The following TKTL1 variants were observed in gnomAD, a reference collection of about 807,000 sequenced individuals.
TKTL1 encodes transketolase-like protein 1.
In TKTL1, 1 loss-of-function variant was observed where a neutral mutation model predicts 39.3. The ratio of observed to expected loss-of-function variants is 0.03; its 90% CI spans 0.01 to 0.12. TKTL1 has a LOEUF of 0.12. Among genes scored for constraint, TKTL1 ranks in the 10% least tolerant of loss-of-function variants. The probability of loss-of-function intolerance (pLI) is 1.00; values close to 1 mark genes in which losing one functional copy is unlikely to be tolerated. For synonymous variants in TKTL1, 262 were observed against 193.8 expected (o/e 1.35, Z -2.92); for missense variants, 575 against 509.6 (o/e 1.13, Z -1.24).
At chrX:154,317,203 CTGA>C in intron 7 of TKTL1, among the ~76,000 whole-genome samples, 1 of 112,334 alleles carries the variant, frequency 8.9e-6, no homozygotes, top group Middle Eastern at 4.6e-3. Flanking sequence ...TCCGTCCCTG[CTGA>C]TATGTTCTCA....
At chrX:154,296,152 C>T (rs781987387) in intron 1 of TKTL1, among the ~76,000 whole-genome samples, 159 bp downstream of exon 1, 1 of 111,274 alleles carries the variant, frequency 9.0e-6, no homozygotes, top group East Asian at 2.8e-4. Context: ...CGGTCGAGCA[C>T]CCTAGATGGC....
At chrX:154,326,098 T>C (rs782303256) in intron 10 of TKTL1, among the ~76,000 whole-genome samples, 6 of 112,397 alleles carry the variant, frequency 5.3e-5, no homozygotes, top group African/African-American at 1.9e-4. Flanking sequence ...TCTGGTATTC[T>C]CACAAAAGCC....
intron 7 of TKTL1, among the ~76,000 whole-genome samples, chrX:154,319,737 T>TAAA (rs59299490): frequency 7.8e-5 from 7 of 89,755 alleles, no homozygotes; most frequent in African/African-American, 2.9e-4. Context: ...AGACCCTGTC[T>TAAA]AAAAAAAAAA....
chrX:154,315,073 T>C, intron 6 of TKTL1, 100 bp from the exon 7 acceptor site: 2 of 923,726 alleles, frequency 2.2e-6, no homozygotes, highest in Non-Finnish European at 3.0e-6. Flanking sequence ...TCAAGATAGA[T>C]GATAATTTGT....
intron 5 of TKTL1, 80 bp from the exon 6 acceptor site, chrX:154,312,500 C>A: frequency 1.0e-6 from 1 of 998,554 alleles, no homozygotes; most frequent in Admixed American, 2.9e-5. Context: ...TCTTTTTCAT[C>A]GGGGTCTGTT....
chrX:154,298,695 A>G (rs1268507328), intron 1 of TKTL1, among the ~76,000 whole-genome samples: 3 of 77,027 alleles, frequency 3.9e-5, no homozygotes, highest in African/African-American at 3.2e-4. Flanking sequence ...CCCTGTCTCA[A>G]AAAGAAAAAA....
At chrX:154,300,203 A>G (rs1004364065) in intron 1 of TKTL1, among the ~76,000 whole-genome samples, 1 of 110,978 alleles carries the variant, frequency 9.0e-6, no homozygotes, top group Non-Finnish European at 1.9e-5. Flanking sequence ...TTTAGTAGAG[A>G]CGGGGTTTCA....
chrX:154,298,709 T>A (rs868969695), intron 1 of TKTL1, among the ~76,000 whole-genome samples: 3 of 105,754 alleles, frequency 2.8e-5, no homozygotes, highest in Non-Finnish European at 5.8e-5. Context: ...GAAAAAAAAA[T>A]TGGTTTCATT....
chrX:154,297,335 A>G (rs1239124476), intron 1 of TKTL1, among the ~76,000 whole-genome samples: 1 of 109,897 alleles, frequency 9.1e-6, no homozygotes, highest in African/African-American at 3.3e-5. Context: ...GGCTCACTAC[A>G]AGCTCCGCCT....
chrX:154,309,513 G>A (rs1195788933), intron 3 of TKTL1, 71 bp downstream of exon 3: 2 of 907,796 alleles, frequency 2.2e-6, no homozygotes, highest in East Asian at 3.1e-5. Flanking sequence ...TCGGGGGGCA[G>A]CCACCTATCT....
chrX:154,318,000 T>C (rs1557169710), intron 7 of TKTL1, among the ~76,000 whole-genome samples: 1 of 112,194 alleles, frequency 8.9e-6, no homozygotes, highest in African/African-American at 3.2e-5. Context: ...ATGTGGCCGC[T>C]CCACACCACT....
At chrX:154,305,689 T>C (rs375746834) in intron 2 of TKTL1, among the ~76,000 whole-genome samples, 91 of 110,509 alleles carry the variant, frequency 8.2e-4, no homozygotes, top group South Asian at 7.4e-3. Flanking sequence ...GCTTCCCCCA[T>C]GGCAGGGTTA....
At chrX:154,320,649 C>T in intron 7 of TKTL1, 108 bp from the exon 8 acceptor site, 1 of 824,931 alleles carries the variant, frequency 1.2e-6, no homozygotes, top group South Asian at 2.2e-5. Flanking sequence ...GCTAGAACTT[C>T]AGAGCAGTTC....
intron 5 of TKTL1, among the ~76,000 whole-genome samples, 178 bp downstream of exon 5, chrX:154,311,416 G>T (rs1557168353): frequency 1.8e-5 from 2 of 112,247 alleles, no homozygotes; most frequent in African/African-American, 6.5e-5. Flanking sequence ...TGTCTGCTTA[G>T]GATAGGAGAT....
intron 10 of TKTL1, among the ~76,000 whole-genome samples, chrX:154,326,276 G>A (rs1603355235): frequency 8.9e-6 from 1 of 112,062 alleles, no homozygotes; most frequent in East Asian, 2.8e-4. Context: ...TGCTCAGCCT[G>A]CCTGTCAGGG....
Position 154,322,495 on chromosome X carries a change from C to T in TKTL1, c.1187-712C>T, listed in dbSNP as rs781872750. Among the ~76,000 whole-genome samples, 117 of 111,115 alleles carry T rather than the reference C, an allele frequency of 1.1e-3. 3 individuals carry two copies. The highest frequency in any genetic ancestry group is 4.6e-3 in the Middle Eastern group (1 of 217). ...TGCGGTGAGCCAAGATGACCTAGTG[C>T]GCTCAAGCCTGGGCAACAGAGCGAG... On this transcript the variant is annotated intron_variant, in intron 8 of 12. Transcript: ENST00000369915.
intron 7 of TKTL1, among the ~76,000 whole-genome samples, chrX:154,318,303 C>T (rs1014466074): frequency 1.8e-5 from 2 of 110,642 alleles, no homozygotes; most frequent in Non-Finnish European, 3.8e-5. Context: ...TACTTTAATA[C>T]TCAAATCATG....
intron 1 of TKTL1, among the ~76,000 whole-genome samples, chrX:154,298,727 T>C (rs1168721129): frequency 2.7e-5 from 3 of 112,571 alleles, no homozygotes; most frequent in Non-Finnish European, 5.6e-5. Context: ...ATTAAATTTT[T>C]TCTATTTTCT....
rs1557168579 is a variant in TKTL1 at position 154,312,589 on chromosome X, A to G, written c.680A>G (p.Asp227Gly). The change falls in exon 6 of 13, where the codon GAT (aspartate) becomes GGT (glycine). Residue 227 changes from aspartate to glycine, a missense_variant. Asp to Gly is a moderately conservative substitution (Grantham distance 94, BLOSUM62 -1). Coordinates refer to ENST00000369915, the MANE Select transcript of TKTL1 (RefSeq NM_012253.4). Reference sequence around the variant, plus strand: ...GTTTGTTTCATTACAGGTATTGAGGATGCAGAAAGTTGGCATGCAAAGCCA... The same window carrying G: ...GTTTGTTTCATTACAGGTATTGAGGGTGCAGAAAGTTGGCATGCAAAGCCA... ...FKGRGTPSIE[D>G]AESWHAKPMP... 8.3e-7 allele frequency: 1 copy of G among 1,209,040 alleles called. No individual in the cohort carries two copies. Among genetic ancestry groups the G allele is most frequent in the South Asian group, 1.8e-5 (1 of 56,640 alleles).
Sources: gnomAD v4.1 joint callset for allele counts (sites outside exome capture counted in the v4.1 genomes callset) on GRCh38, gnomAD v4.1.1 for gene constraint, MANE v1.5 for transcripts, NCBI Gene and HGNC (gene_info 2026-07-23, HGNC 2026-07-21) for gene names.